The following TNIK variants were observed in gnomAD, a reference collection of about 807,000 sequenced individuals.
TNIK encodes TRAF2 and NCK interacting kinase, also known as TRAF2 and NCK-interacting protein kinase.
Under a neutral mutation model 191.3 loss-of-function variants are expected in TNIK, and 49 were observed. The ratio of observed to expected loss-of-function variants is 0.26; its 90% CI spans 0.20 to 0.32. The LOEUF (loss-of-function observed/expected upper bound fraction) is 0.32. TNIK is among the 10% of genes least tolerant of loss of function. The probability of loss-of-function intolerance (pLI) is 1.00; values close to 1 mark genes in which losing one functional copy is unlikely to be tolerated. For missense variants in TNIK, 1,155 were observed against 1,702.3 expected, an observed-to-expected ratio of 0.68 and a Z score of 5.66; for synonymous variants, 594 against 600.9, an observed-to-expected ratio of 0.99 and a Z score of 0.17.
intron 12 of TNIK, among the ~76,000 whole-genome samples, chr3:171,141,715 G>A (rs969403099): frequency 6.6e-6 from 1 of 152,186 alleles, no homozygotes; most frequent in Non-Finnish European, 1.5e-5. Flanking sequence ...ATACATCATG[G>A]CATTAGTGCA....
At chr3:171,413,942 A>G (rs919239649) in intron 1 of TNIK, among the ~76,000 whole-genome samples, 1 of 152,240 alleles carries the variant, frequency 6.6e-6, no homozygotes, top group Non-Finnish European at 1.5e-5. Flanking sequence ...CTGGTAATAT[A>G]TAAGTGCTCA....
chr3:171,261,544 T>C (rs1038555488), intron 2 of TNIK, among the ~76,000 whole-genome samples: 3 of 118,484 alleles, frequency 2.5e-5, no homozygotes, highest in Non-Finnish European at 3.6e-5. Flanking sequence ...GGATGATGGA[T>C]GGATGGATAA....
chr3:171,121,571 C>G (rs1727754800), intron 18 of TNIK, among the ~76,000 whole-genome samples: 1 of 152,356 alleles, frequency 6.6e-6, no homozygotes, highest in South Asian at 2.1e-4. Flanking sequence ...ACCATCTGCT[C>G]AGTGCAACTG....
intron 3 of TNIK, among the ~76,000 whole-genome samples, chr3:171,223,592 C>A (rs1035599539): frequency 1.3e-5 from 2 of 152,124 alleles, no homozygotes; most frequent in African/African-American, 2.4e-5. Context: ...CTTTGGCAGC[C>A]ATGTTACATT....
At chr3:171,452,180 A>G (rs1171456512) in intron 1 of TNIK, among the ~76,000 whole-genome samples, 23 of 151,808 alleles carry the variant, frequency 1.5e-4, no homozygotes, top group Admixed American at 1.5e-3. Flanking sequence ...AAAAACTAGA[A>G]CAACACTTTA....
intron 2 of TNIK, among the ~76,000 whole-genome samples, chr3:171,275,220 T>C (rs923685779): frequency 7.2e-5 from 11 of 152,192 alleles, no homozygotes; most frequent in Non-Finnish European, 1.5e-4. Flanking sequence ...CATTCAAATA[T>C]CATAAAACAA....
At chr3:171,220,130 A>C (rs1228507741) in intron 3 of TNIK, among the ~76,000 whole-genome samples, 2 of 152,178 alleles carry the variant, frequency 1.3e-5, no homozygotes, top group African/African-American at 4.8e-5. Context: ...TTCTCAGCAA[A>C]CTAACACAAG....
chr3:171,438,870 C>T (rs1726381988), intron 1 of TNIK, among the ~76,000 whole-genome samples: 1 of 152,164 alleles, frequency 6.6e-6, no homozygotes, highest in African/African-American at 2.4e-5. Context: ...GGTTCAACCC[C>T]AGCCTCATTC....
At chr3:171,247,089 A>G (rs944368994) in intron 2 of TNIK, among the ~76,000 whole-genome samples, 8 of 152,236 alleles carry the variant, frequency 5.3e-5, no homozygotes, top group African/African-American at 1.4e-4. Flanking sequence ...CAAAGTCCCA[A>G]TGAAGAACAG....
intron 10 of TNIK, among the ~76,000 whole-genome samples, chr3:171,166,418 A>G (rs1734627223): frequency 6.6e-6 from 1 of 152,200 alleles, no homozygotes; most frequent in Non-Finnish European, 1.5e-5. Flanking sequence ...CTTCCATTCA[A>G]AAAGGTAGGG....
chr3:171,104,896 A>G (rs1219727036), intron 21 of TNIK, among the ~76,000 whole-genome samples: 1 of 150,310 alleles, frequency 6.7e-6, no homozygotes, highest in Non-Finnish European at 1.5e-5. Context: ...CTAATAAAAA[A>G]CAGCGGTAAA....
chr3:171,079,924 T>C (rs553198333), intron 27 of TNIK, among the ~76,000 whole-genome samples: 1 of 152,352 alleles, frequency 6.6e-6, no homozygotes, highest in African/African-American at 2.4e-5. Context: ...TCTTACTCTC[T>C]CTTCCCAATG....
At chr3:171,120,950 T>C (rs1043119545) in intron 18 of TNIK, among the ~76,000 whole-genome samples, 2 of 152,148 alleles carry the variant, frequency 1.3e-5, no homozygotes, top group Non-Finnish European at 2.9e-5. Context: ...TTGGTTTGAG[T>C]CACTGGGTCC....
chr3:171,310,181 C>T lies in TNIK; in HGVS notation c.123+59439G>A, dbSNP rs576776877. Among the ~76,000 whole-genome samples the T allele has an allele frequency of 7.9e-5, 12 of 152,166 alleles. No homozygotes were observed. The Middle Eastern group carries it at 0.01, about 129-fold the overall frequency. On this transcript the variant is annotated intron_variant, in intron 2 of 32. Coordinates refer to ENST00000436636, the MANE Select transcript of TNIK (RefSeq NM_015028.4). ...GCTACTGCCTCTTTGGTAATACCTCCCATAGCTCTCTGCCTGGCAAACTAT... is the reference window on the plus strand; with the variant it reads ...GCTACTGCCTCTTTGGTAATACCTCTCATAGCTCTCTGCCTGGCAAACTAT...
At chr3:171,336,091 G>A (rs1002222497) in intron 2 of TNIK, among the ~76,000 whole-genome samples, 4 of 152,008 alleles carry the variant, frequency 2.6e-5, no homozygotes, top group African/African-American at 9.7e-5. Flanking sequence ...GGTGAACTGA[G>A]TATCTAGTAA....
chr3:171,402,864 G>A (rs961308721), intron 1 of TNIK, among the ~76,000 whole-genome samples: 2 of 152,166 alleles, frequency 1.3e-5, no homozygotes, highest in African/African-American at 4.8e-5. Context: ...AATATGACCT[G>A]CATAATCACT....
chr3:171,343,314 C>A (rs975890889), intron 2 of TNIK, among the ~76,000 whole-genome samples: 3 of 152,134 alleles, frequency 2.0e-5, no homozygotes, highest in African/African-American at 7.2e-5. Flanking sequence ...GAAAATGAGA[C>A]TAAACTAGTG....
intron 10 of TNIK, among the ~76,000 whole-genome samples, chr3:171,163,736 C>T (rs1734281019): frequency 6.6e-6 from 1 of 152,112 alleles, no homozygotes; most frequent in Admixed American, 6.5e-5. Flanking sequence ...AAGAAGCACA[C>T]AATTATTCCA....
chr3:171,297,662 A>T (rs910677357), intron 2 of TNIK, among the ~76,000 whole-genome samples: 3 of 151,802 alleles, frequency 2.0e-5, no homozygotes, highest in Admixed American at 1.3e-4. Context: ...GAAAAATTAA[A>T]CAATATAATT....
Sources: allele counts gnomAD v4.1 joint callset (sites outside exome capture counted in the v4.1 genomes callset), GRCh38; gene constraint gnomAD v4.1.1; transcripts MANE v1.5; gene names NCBI Gene and HGNC (gene_info 2026-07-23, HGNC 2026-07-21).